B3GALT5: variants seen among roughly 807,000 people sequenced by gnomAD.
The protein encoded by B3GALT5 is beta-1,3-galactosyltransferase 5, also known as UDP-Gal:betaGlcNAc beta 1,3-galactosyltransferase, polypeptide 5.
For synonymous variants in B3GALT5, 156 were observed against 158.6 expected, an observed-to-expected ratio of 0.98 and a Z score of 0.12; for missense variants, 328 against 396.6, an observed-to-expected ratio of 0.83 and a Z score of 1.47.
At position 39,642,887 on chromosome 21, in the gene B3GALT5, A is replaced by G. The variant is rs75596961; in HGVS notation, c.-391-3505A>G. ...TCCCATTGCCACAAAAAAAAAAAAA[A>G]AAAAGAAAAGAAAAGAAAGCTGGGC... On this transcript the variant is annotated intron_variant, in intron 1 of 3. Coordinates refer to ENST00000684187, the MANE Select transcript of B3GALT5 (RefSeq NM_001356336.2). Among the ~76,000 whole-genome samples the G allele has an allele frequency of 6.5e-3, 927 of 141,652 alleles. 5 individuals carry two copies. The highest frequency in any genetic ancestry group is 0.021 in the African/African-American group (799 of 37,494). The allele number at this position is 141,652 out of a possible 152,430, so 92.9% of individuals were successfully genotyped here. A position where few individuals can be genotyped will look rare whatever the true frequency, so the allele number is the denominator to read the frequency against.
chr21:39,615,715 G>A (rs570620233), intron 1 of B3GALT5, among the ~76,000 whole-genome samples: 12 of 152,308 alleles, frequency 7.9e-5, no homozygotes, highest in African/African-American at 2.9e-4. Context: ...TGAAATTGAA[G>A]AGAATAATAG....
At chr21:39,651,775 G>GTT (rs5843973) in intron 2 of B3GALT5, among the ~76,000 whole-genome samples, 23,877 of 151,944 alleles carry the variant, frequency 0.16, 1,940 homozygotes, top group South Asian at 0.19. Context: ...AGTTAAGGCA[G>GTT]TTTTTTTTAT....
At chr21:39,657,707 A>G (rs1406737035) in intron 2 of B3GALT5, 5 of 458,510 alleles carry the variant, frequency 1.1e-5, no homozygotes, top group Non-Finnish European at 1.8e-5. Context: ...TTACCTACCT[A>G]CCTGCCTATC....
At position 39,660,781 on chromosome 21, in the gene B3GALT5, G is replaced by C. The variant is rs755928594; in HGVS notation, c.222G>C (p.Met74Ile). The C allele has an allele frequency of 6.4e-7, 1 of 1,568,842 alleles. No homozygotes were observed. Among genetic ancestry groups the C allele is most frequent in the East Asian group, 2.2e-5 (1 of 44,512 alleles). ...TSSHKQLAER[M>I]AIRQTWGKER... ...CCCACAAACAGTTGGCTGAGCGCAT[G>C]GCCATCCGGCAGACGTGGGGGAAAG... is the stretch of plus-strand genomic sequence containing the variant. Residue 74 changes from methionine to isoleucine, a missense_variant, in exon 4 of 4, where the codon ATG becomes ATC. Coordinates refer to ENST00000684187, the MANE Select transcript of B3GALT5 (RefSeq NM_001356336.2).
rs540896187 is a variant in B3GALT5 at position 39,644,239 on chromosome 21, C to CT, written c.-391-2150dup. Among the ~76,000 whole-genome samples the CT allele has an allele frequency of 5.6e-3, 848 of 152,238 alleles. 3 individuals carry two copies. The highest frequency in any genetic ancestry group is 8.6e-3 in the Non-Finnish European group (587 of 68,016). On this transcript the variant is annotated intron_variant, in intron 1 of 3. Coordinates refer to ENST00000684187, the MANE Select transcript of B3GALT5 (RefSeq NM_001356336.2). Reference sequence around the variant, plus strand: ...TTGTTTCAGGTAGGCAGAGAAACGACTTTGAGTTCTGTCCTACGTCCCCAA... The same window carrying CT: ...TTGTTTCAGGTAGGCAGAGAAACGACTTTTGAGTTCTGTCCTACGTCCCCAA...
At chr21:39,628,553 A>G (rs1042180852) in intron 1 of B3GALT5, among the ~76,000 whole-genome samples, 6 of 152,168 alleles carry the variant, frequency 3.9e-5, no homozygotes, top group African/African-American at 1.2e-4. Context: ...TTCCTGGAGG[A>G]CGTTTCGACC....
intron 1 of B3GALT5, among the ~76,000 whole-genome samples, chr21:39,624,290 G>A (rs1236491693): frequency 1.3e-5 from 2 of 152,160 alleles, no homozygotes; most frequent in African/African-American, 4.8e-5. Context: ...CCACTTTCAA[G>A]GAGTATTCCA....
At chr21:39,639,770 G>A (rs559779039) in intron 1 of B3GALT5, among the ~76,000 whole-genome samples, 12 of 152,064 alleles carry the variant, frequency 7.9e-5, no homozygotes, top group Middle Eastern at 3.4e-3. Context: ...GAACCACTGC[G>A]CCCAGCCCAG....
At chr21:39,613,920 T>G (rs1319367687) in intron 1 of B3GALT5, among the ~76,000 whole-genome samples, 1 of 152,264 alleles carries the variant, frequency 6.6e-6, no homozygotes, top group Non-Finnish European at 1.5e-5. Flanking sequence ...GGCCACCTAT[T>G]GTAAATATTA....
At chr21:39,630,672 C>T (rs1314866183) in intron 1 of B3GALT5, among the ~76,000 whole-genome samples, 4 of 152,126 alleles carry the variant, frequency 2.6e-5, no homozygotes, top group Admixed American at 2.0e-4. Context: ...GAGCTAAACT[C>T]ATTTGGTTTC....
intron 2 of B3GALT5, among the ~76,000 whole-genome samples, chr21:39,646,899 G>A (rs1326055332): frequency 3.3e-5 from 5 of 152,020 alleles, no homozygotes; most frequent in South Asian, 2.1e-4. Context: ...TCAGAAGTTC[G>A]AGACCAGCCT....
rs79364726 is a variant in B3GALT5, at chr21:39,653,565, C to A, written c.-160-6188C>A. Reference sequence around the variant, plus strand: ...GGAGTACTTGGCAAGACAGCAGTTTCCCCGGGTACACCCGCTAGGTGTTTT... The same window carrying A: ...GGAGTACTTGGCAAGACAGCAGTTTACCCGGGTACACCCGCTAGGTGTTTT... On this transcript the variant is annotated intron_variant, in intron 2 of 3. Coordinates refer to ENST00000684187, the MANE Select transcript of B3GALT5 (RefSeq NM_001356336.2). 1.7e-3 allele frequency among the ~76,000 whole-genome samples: 259 copies of A among 152,352 alleles called. 3 individuals are homozygous for A. Among genetic ancestry groups the A allele is most frequent in the African/African-American group, 5.5e-3 (227 of 41,578 alleles).
intron 1 of B3GALT5, among the ~76,000 whole-genome samples, chr21:39,627,464 A>C (rs1463579670): frequency 6.6e-6 from 1 of 152,194 alleles, no homozygotes; most frequent in Non-Finnish European, 1.5e-5. Context: ...TACTTAGAAC[A>C]GTTGCTGGCA....
intron 1 of B3GALT5, among the ~76,000 whole-genome samples, chr21:39,640,653 A>C (rs1174341353): frequency 1.3e-5 from 2 of 152,042 alleles, no homozygotes; most frequent in Non-Finnish European, 2.9e-5. Context: ...TTATTTGATG[A>C]TAAAGTGGAT....
chr21:39,654,064 T>G (rs1272191086), intron 2 of B3GALT5, among the ~76,000 whole-genome samples: 4 of 152,232 alleles, frequency 2.6e-5, no homozygotes, highest in Non-Finnish European at 5.9e-5. Context: ...ACATAAGCAA[T>G]AATTGCTGCT....
chr21:39,630,917 G>C (rs1464447561), intron 1 of B3GALT5, among the ~76,000 whole-genome samples: 2 of 152,182 alleles, frequency 1.3e-5, no homozygotes, highest in East Asian at 3.9e-4. Flanking sequence ...AAAATCGATT[G>C]GGGGAAAAAT....
At chr21:39,629,352 A>G (rs11088489) in intron 1 of B3GALT5, among the ~76,000 whole-genome samples, 30,033 of 152,154 alleles carry the variant, frequency 0.2, 3,328 homozygotes, top group Non-Finnish European at 0.26. Context: ...GCCATTTCAC[A>G]TGGTCTATTT....
chr21:39,625,932 G>A (rs2079161556), intron 1 of B3GALT5, among the ~76,000 whole-genome samples: 1 of 152,054 alleles, frequency 6.6e-6, no homozygotes. Flanking sequence ...TTTTAAAATT[G>A]TGGTAAAATA....
rs2079587691 is a variant in B3GALT5, at chr21:39,667,419, A to G, written c.*5927A>G. The G allele has an allele frequency of 6.6e-6, 1 of 152,240 alleles. No homozygotes were observed. The highest frequency in any genetic ancestry group is 1.5e-5 in the Non-Finnish European group (1 of 68,040). The allele number at this position is 152,240 out of a possible 1,614,324, so 9.4% of individuals were successfully genotyped here. A position where few individuals can be genotyped will look rare whatever the true frequency, so the allele number is the denominator to read the frequency against. ...TTATCCCGATGTTTACTTTGGTTTC[A>G]TAAGTAATTTATTAAAATTCCTTCC... On this transcript the variant is annotated 3_prime_UTR_variant, in exon 4 of 4. Transcript: ENST00000684187.
Sources: allele counts gnomAD v4.1 joint callset (sites outside exome capture counted in the v4.1 genomes callset), GRCh38; gene constraint gnomAD v4.1.1; transcripts MANE v1.5; gene names NCBI Gene and HGNC (gene_info 2026-07-23, HGNC 2026-07-21).